The following LRP8 variants were observed in gnomAD, a reference collection of about 807,000 sequenced individuals.
The protein encoded by LRP8 is low-density lipoprotein receptor-related protein 8.
A neutral mutation model predicts 111.6 loss-of-function variants in LRP8; 46 were observed. The ratio of observed to expected loss-of-function variants is 0.41; its 90% CI spans 0.33 to 0.53. The LOEUF (loss-of-function observed/expected upper bound fraction) is 0.53. Among genes scored for constraint, LRP8 ranks in the 20% least tolerant of loss-of-function variants. The pLI is 0.20. For missense variants in LRP8, 959 were observed against 1,297.4 expected (o/e 0.74, Z 4.01); for synonymous variants, 464 against 511.2 (o/e 0.91, Z 1.24).
intron 2 of LRP8, 128 bp downstream of exon 2, chr1:53,326,745 C>A: frequency 7.0e-7 from 1 of 1,429,840 alleles, no homozygotes; most frequent in South Asian, 1.5e-5. Flanking sequence ...GTTTCCCGGT[C>A]GCAGGCTCCG....
At chr1:53,273,984 A>AAAAAAC (rs1646839965) in intron 6 of LRP8, among the ~76,000 whole-genome samples, 2 of 110,474 alleles carry the variant, frequency 1.8e-5, no homozygotes, top group African/African-American at 3.0e-5. Flanking sequence ...AAACAAAAAA[A>AAAAAAC]AACTCATGAA....
chr1:53,303,094 C>T lies in LRP8; in HGVS notation c.245-13405G>A, dbSNP rs1316693366. 6.6e-6 allele frequency among the ~76,000 whole-genome samples: 1 copy of T among 152,154 alleles called. No individual in the cohort carries two copies. Among genetic ancestry groups the T allele is most frequent in the South Asian group, 2.1e-4 (1 of 4,826 alleles). ...TGTTGAAATTCATGGTGAAATTGCA[C>T]ATCACCACAAAAGCAGGTAGAGCTC... is the stretch of plus-strand genomic sequence containing the variant. On this transcript the variant is annotated intron_variant, in intron 2 of 18. Transcript: ENST00000306052. The surrounding 1 kb of genome is among the most constrained non-coding windows in gnomAD (Gnocchi z 4.3).
rs1465342304 is a variant in LRP8, at chr1:53,249,334, T to C, written c.2853+46A>G. 1.9e-6 allele frequency: 3 copies of C among 1,594,640 alleles called. No individual in the cohort carries two copies. Among genetic ancestry groups the C allele is most frequent in the African/African-American group, 2.7e-5 (2 of 74,438 alleles). On this transcript the variant is annotated intron_variant, in intron 18 of 18. Transcript: ENST00000306052. This position sits in a 1 kb window ranked among gnomAD's most constrained non-coding sequence, Gnocchi z 4.1. ...GATTGGCTGCGCCTGCCTTGGTTCA[T>C]GCCCTCACTCACCAGCCCCTCAGAC... is the stretch of plus-strand genomic sequence containing the variant.
At chr1:53,288,093 C>G (rs1415324823) in intron 3 of LRP8, 1 of 152,186 alleles carries the variant, frequency 6.6e-6, no homozygotes, top group Admixed American at 6.5e-5. Context: ...CCCCCATTGT[C>G]GGAGTATCTG....
chr1:53,308,396 C>G (rs1652388986), intron 2 of LRP8, among the ~76,000 whole-genome samples: 1 of 152,178 alleles, frequency 6.6e-6, no homozygotes, highest in Non-Finnish European at 1.5e-5. Context: ...CATGAGGATC[C>G]TGGGGGGTTC....
chr1:53,283,418 G>C (rs567922526), intron 3 of LRP8, among the ~76,000 whole-genome samples: 2 of 148,730 alleles, frequency 1.3e-5, no homozygotes, highest in Admixed American at 6.9e-5. Context: ...TGGCATACCC[G>C]GGCCACTTAC....
chr1:53,277,896 C>CA (rs1266839051), intron 4 of LRP8, among the ~76,000 whole-genome samples: 1 of 152,336 alleles, frequency 6.6e-6, no homozygotes, highest in East Asian at 1.9e-4. Context: ...GGGCCTGGTA[C>CA]AGAGCTCCCT....
Position 53,277,026 on chromosome 1 carries a change from C to T in LRP8, c.549G>A (p.Val183=). ...QCGNRSCLAA[V]FVCDGDDDCG... Reference sequence around the variant, plus strand: ...AGTCGTCGTCGCCGTCGCACACGAACACGGCGGCCAGGCACGAGCGGTTGC... The same window carrying T: ...AGTCGTCGTCGCCGTCGCACACGAATACGGCGGCCAGGCACGAGCGGTTGC... Residue 183 remains valine, a synonymous_variant, in exon 5 of 19, where the codon GTG becomes GTA. Transcript: ENST00000306052. 6.6e-7 allele frequency: 1 copy of T among 1,521,896 alleles called. No individual in the cohort carries two copies. The highest frequency in any genetic ancestry group is 8.8e-7 in the Non-Finnish European group (1 of 1,139,418). 94.3% of individuals were successfully genotyped at this position (1,521,896 alleles called of 1,614,324 possible).
chr1:53,297,511 C>T (rs1649976845), intron 2 of LRP8, among the ~76,000 whole-genome samples: 1 of 152,192 alleles, frequency 6.6e-6, no homozygotes, highest in South Asian at 2.1e-4. Context: ...CTCAAGCCAC[C>T]ATCATCCATC....
chr1:53,294,438 C>T lies in LRP8; in HGVS notation c.245-4749G>A, dbSNP rs1649320045. 6.6e-6 allele frequency among the ~76,000 whole-genome samples: 1 copy of T among 152,216 alleles called. No individual in the cohort carries two copies. On this transcript the variant is annotated intron_variant, in intron 2 of 18. Coordinates refer to ENST00000306052, the MANE Select transcript of LRP8 (RefSeq NM_004631.5). The surrounding 1 kb of genome is among the most constrained non-coding windows in gnomAD (Gnocchi z 4.1). Reference sequence around the variant, plus strand: ...GCCAGACAGTCCATGGTCTATCAAACTGCGCCCTGCCACTTGTAGGCTATG... The same window carrying T: ...GCCAGACAGTCCATGGTCTATCAAATTGCGCCCTGCCACTTGTAGGCTATG...
At chr1:53,314,567 G>T (rs1653549923) in intron 2 of LRP8, among the ~76,000 whole-genome samples, 1 of 152,198 alleles carries the variant, frequency 6.6e-6, no homozygotes, top group African/African-American at 2.4e-5. Flanking sequence ...AACAGAGCTG[G>T]GATCAGAGAG....
At chr1:53,287,772 G>C (rs1000901659) in intron 3 of LRP8, among the ~76,000 whole-genome samples, 16 of 152,268 alleles carry the variant, frequency 1.1e-4, no homozygotes, top group Middle Eastern at 3.4e-3. Context: ...CCAGCCCAGG[G>C]GATGGGAAGG....
At chr1:53,325,320 G>A (rs779611554) in intron 2 of LRP8, among the ~76,000 whole-genome samples, 4 of 152,170 alleles carry the variant, frequency 2.6e-5, no homozygotes, top group Admixed American at 6.5e-5. Flanking sequence ...GTTTTTGTTG[G>A]TTTGTTTGTT....
Position 53,257,547 on chromosome 1 carries a change from T to G in LRP8, c.2210-83A>C, listed in dbSNP as rs1323923559. 19 of 1,037,818 alleles carry G rather than the reference T, an allele frequency of 1.8e-5. No homozygotes were observed. In the Admixed American group the frequency reaches 2.7e-4, roughly 14 times the overall value. 64.3% of individuals were successfully genotyped at this position (1,037,818 alleles called of 1,614,324 possible). On this transcript the variant is annotated intron_variant, in intron 14 of 18. Transcript: ENST00000306052. ...TGCCTCTGAGATATACTTAGGAACT[T>G]ATCTTCATGGCGTAGCTCAAATGCC... is the stretch of plus-strand genomic sequence containing the variant.
At chr1:53,277,371 T>A (rs544939002) in intron 4 of LRP8, among the ~76,000 whole-genome samples, 130 of 152,234 alleles carry the variant, frequency 8.5e-4, no homozygotes, top group African/African-American at 2.8e-3. Context: ...GCACTGCCTG[T>A]CTTGAAGGAC....
Position 53,294,642 on chromosome 1 carries a change from G to A in LRP8, c.245-4953C>T, listed in dbSNP as rs539995044. On this transcript the variant is annotated intron_variant, in intron 2 of 18. Coordinates refer to ENST00000306052, the MANE Select transcript of LRP8 (RefSeq NM_004631.5). The surrounding 1 kb of genome is among the most constrained non-coding windows in gnomAD (Gnocchi z 4.1). ...AGTCACAGCCCTGGCCCCAGCTGCC[G>A]TGTGTGTAACACTGGGCCCATCCGT... 5.5e-4 allele frequency among the ~76,000 whole-genome samples: 84 copies of A among 152,346 alleles called. No individual in the cohort carries two copies. The highest frequency in any genetic ancestry group is 3.4e-3 in the Middle Eastern group (1 of 294).
At chr1:53,261,208 A>G (rs1367413326) in intron 12 of LRP8, among the ~76,000 whole-genome samples, 1 of 152,264 alleles carries the variant, frequency 6.6e-6, no homozygotes, top group Non-Finnish European at 1.5e-5. Context: ...AAGCACCAGC[A>G]CTTAGAGGAA....
In LRP8 at chr1:53,303,374, A is replaced by G. The variant is rs150583042; in HGVS notation, c.245-13685T>C. Among the ~76,000 whole-genome samples the G allele has an allele frequency of 6.6e-6, 1 of 152,202 alleles. No individual in the cohort carries two copies. Among genetic ancestry groups the G allele is most frequent in the Non-Finnish European group, 1.5e-5 (1 of 68,028 alleles). Reference sequence around the variant, plus strand: ...TGCAGGCTGAACACACCTGGGCCCCAGGGCCATGTGGCCCAGCCCTTGGAT... The same window carrying G: ...TGCAGGCTGAACACACCTGGGCCCCGGGGCCATGTGGCCCAGCCCTTGGAT... On this transcript the variant is annotated intron_variant, in intron 2 of 18. Transcript: ENST00000306052. This position sits in a 1 kb window ranked among gnomAD's most constrained non-coding sequence, Gnocchi z 4.3.
chr1:53,274,882 T>A (rs1646871018), intron 6 of LRP8: 3 of 454,788 alleles, frequency 6.6e-6, no homozygotes, highest in Non-Finnish European at 8.9e-6. Context: ...AGGGCTGGGC[T>A]GGGGCCCACA....
Sources: allele counts gnomAD v4.1 joint callset (sites outside exome capture counted in the v4.1 genomes callset), GRCh38; gene constraint gnomAD v4.1.1; non-coding constraint Gnocchi (gnomAD v3.1); transcripts MANE v1.5; gene names NCBI Gene and HGNC (gene_info 2026-07-23, HGNC 2026-07-21).